MIX23: variants seen among roughly 807,000 people sequenced by gnomAD.
The protein encoded by MIX23 is mitochondrial matrix import factor 23.
MIX23 carries 13 observed loss-of-function variants against 21.6 expected under a neutral mutation model. The ratio of observed to expected loss-of-function variants is 0.60; its 90% CI spans 0.39 to 0.96. The LOEUF is 0.96. Ranked by LOEUF, MIX23 falls within the 40% of genes least tolerant of loss-of-function variation. MIX23 has a pLI of 0.00. For synonymous variants in MIX23, 59 were observed against 58.0 expected, an observed-to-expected ratio of 1.02 and a Z score of -0.08; for missense variants, 144 against 171.2, an observed-to-expected ratio of 0.84 and a Z score of 0.89.
chr3:122,371,347 C>T (rs1312281787), intron 2 of MIX23, among the ~76,000 whole-genome samples: 1 of 152,230 alleles, frequency 6.6e-6, no homozygotes, highest in Non-Finnish European at 1.5e-5. Context: ...GCTCACATTC[C>T]TTGCTCTTGT....
rs548081942 is a variant in MIX23, at chr3:122,371,687, T to C, written c.165A>G (p.Gln55=). The stretch of plus-strand genomic sequence containing the variant: ...AAAATACACTTACAGACTCATAAAG[T>C]TGTTTACAGGTTTGGCTGGCATCAA... ...GKIDASQTCK[Q]LYESLMAAHA... Residue 55 remains glutamine, a synonymous_variant, in exon 2 of 5, where the codon CAA becomes CAG. Transcript: ENST00000291458. 1.2e-6 allele frequency: 2 copies of C among 1,612,140 alleles called. No homozygotes were observed. The highest frequency in any genetic ancestry group is 2.7e-5 in the African/African-American group (2 of 74,972).
intron 1 of MIX23, among the ~76,000 whole-genome samples, chr3:122,376,166 CA>C (rs1158747986): frequency 2.1e-3 from 136 of 64,458 alleles, no homozygotes; most frequent in African/African-American, 6.5e-3. Context: ...GACTCCGTCT[CA>C]AAAAAAAAAA....
At chr3:122,376,967 G>A (rs150688841) in intron 1 of MIX23, among the ~76,000 whole-genome samples, 6 of 152,160 alleles carry the variant, frequency 3.9e-5, no homozygotes, top group East Asian at 3.9e-4. Flanking sequence ...GGTGGATCAC[G>A]AGGTCAGGAG....
chr3:122,382,153 A>T (rs2075537960), intron 1 of MIX23, among the ~76,000 whole-genome samples: 1 of 152,266 alleles, frequency 6.6e-6, no homozygotes, highest in Admixed American at 6.5e-5. Context: ...ATTTTACAGA[A>T]GTACTAAATC....
At chr3:122,379,025 T>G (rs1484128289) in intron 1 of MIX23, among the ~76,000 whole-genome samples, 1 of 152,146 alleles carries the variant, frequency 6.6e-6, no homozygotes, top group Non-Finnish European at 1.5e-5. Context: ...CTAGAAAATA[T>G]AATGACAACC....
In MIX23 at chr3:122,359,790, A is replaced by T. The variant is rs950101002; in HGVS notation, c.*79T>A. ...TCATCCTAGAAAGCCCGCCCTGTTG[A>T]TATCTGTCATGCTTAGCTCTTATGA... is the stretch of plus-strand genomic sequence containing the variant. On this transcript the variant is annotated 3_prime_UTR_variant, in exon 5 of 5. Transcript: ENST00000291458. The T allele has an allele frequency of 1.7e-5, 23 of 1,340,196 alleles. No homozygotes were observed. Among genetic ancestry groups the T allele is most frequent in the Middle Eastern group, 2.7e-4 (1 of 3,676 alleles). 83.0% of individuals were successfully genotyped at this position (1,340,196 alleles called of 1,614,324 possible).
At chr3:122,361,976 T>G (rs2075361873) in intron 4 of MIX23, among the ~76,000 whole-genome samples, 1 of 152,240 alleles carries the variant, frequency 6.6e-6, no homozygotes, top group Non-Finnish European at 1.5e-5. Flanking sequence ...AAACAGAATT[T>G]TCAGTACATT....
intron 1 of MIX23, among the ~76,000 whole-genome samples, chr3:122,379,071 A>C (rs1326408074): frequency 6.6e-6 from 1 of 152,196 alleles, no homozygotes; most frequent in African/African-American, 2.4e-5. Context: ...GGAATTGCTG[A>C]AAACTGTATG....
At chr3:122,368,013 A>G in intron 3 of MIX23, 163 bp downstream of exon 3, 2 of 627,214 alleles carry the variant, frequency 3.2e-6, no homozygotes, top group Non-Finnish European at 2.8e-6. Context: ...TTAATAACTA[A>G]ACATAATAAA....
At chr3:122,371,610 T>A in intron 2 of MIX23, 65 bp downstream of exon 2, 7 of 1,554,618 alleles carry the variant, frequency 4.5e-6, no homozygotes, top group Non-Finnish European at 6.2e-6. Context: ...ACAAGATAAC[T>A]GATTTCTTAT....
rs552418978 is a variant in MIX23 at position 122,383,166 on chromosome 3, C to G, written c.51+8G>C. Reference sequence around the variant, plus strand: ...CACATGCCTGCCACATGAGGAAAACCCCATCACCTGGAACTCGGCGAACTC... The same window carrying G: ...CACATGCCTGCCACATGAGGAAAACGCCATCACCTGGAACTCGGCGAACTC... On this transcript the variant is annotated splice_region_variant and intron_variant, in intron 1 of 4. Transcript: ENST00000291458. The G allele has an allele frequency of 1.1e-5, 17 of 1,613,950 alleles. No homozygotes were observed. In the South Asian group the frequency reaches 1.4e-4, roughly 14 times the overall value.
chr3:122,369,926 T>G (rs1345690962), intron 2 of MIX23, among the ~76,000 whole-genome samples: 1 of 152,140 alleles, frequency 6.6e-6, no homozygotes, highest in African/African-American at 2.4e-5. Context: ...ATTTTTGTAT[T>G]TTTTGTGGAG....
Position 122,383,014 on chromosome 3 carries a change from A to G in MIX23, c.51+160T>C, listed in dbSNP as rs2075547367. 3 of 883,688 alleles carry G rather than the reference A, an allele frequency of 3.4e-6. No homozygotes were observed. In the Admixed American group the frequency reaches 5.7e-5, roughly 17 times the overall value. The allele number at this position is 883,688 out of a possible 1,614,324, so 54.7% of individuals were successfully genotyped here. On this transcript the variant is annotated intron_variant, in intron 1 of 4. Transcript: ENST00000291458. ...CTCCTACAGAGCAGCCTCGCTCCCT[A>G]AGGCCAAACCCGCGCCCCCCATGAC... is the stretch of plus-strand genomic sequence containing the variant.
chr3:122,360,073 A>T (rs2075346824), intron 4 of MIX23, among the ~76,000 whole-genome samples, 154 bp from the exon 5 acceptor site: 1 of 152,138 alleles, frequency 6.6e-6, no homozygotes, highest in Non-Finnish European at 1.5e-5. Context: ...AGCAGTTCAA[A>T]CTGACTTATG....
intron 3 of MIX23, among the ~76,000 whole-genome samples, chr3:122,364,306 G>A (rs1042803222): frequency 5.9e-5 from 9 of 152,352 alleles, no homozygotes; most frequent in Admixed American, 2.6e-4. Flanking sequence ...GTGCTGTGCA[G>A]TAGTAACAAG....
chr3:122,371,829 A>T, intron 1 of MIX23, 29 bp from the exon 2 acceptor site: 1 of 1,530,024 alleles, frequency 6.5e-7, no homozygotes, highest in Admixed American at 2.0e-5. Flanking sequence ...AAAGAATATA[A>T]CCCAAATGGA....
At chr3:122,364,805 T>C (rs1367643160) in intron 3 of MIX23, among the ~76,000 whole-genome samples, 1 of 152,070 alleles carries the variant, frequency 6.6e-6, no homozygotes, top group Non-Finnish European at 1.5e-5. Context: ...TAGCAGCCAA[T>C]ATGCTAGCTC....
At chr3:122,364,759 C>T (rs1165609191) in intron 3 of MIX23, among the ~76,000 whole-genome samples, 1 of 152,112 alleles carries the variant, frequency 6.6e-6, no homozygotes, top group Non-Finnish European at 1.5e-5. Flanking sequence ...AATATGGAGT[C>T]CCAGAGACTC....
chr3:122,371,529 A>G, intron 2 of MIX23, 146 bp downstream of exon 2: 1 of 864,960 alleles, frequency 1.2e-6, no homozygotes, highest in South Asian at 1.5e-5. Flanking sequence ...TGTAGTAACC[A>G]GATCAAAACT....
Sources: allele counts gnomAD v4.1 joint callset (sites outside exome capture counted in the v4.1 genomes callset), GRCh38; gene constraint gnomAD v4.1.1; transcripts MANE v1.5; gene names NCBI Gene and HGNC (gene_info 2026-07-23, HGNC 2026-07-21).